VAV3: variants seen among roughly 807,000 people sequenced by gnomAD.
VAV3 encodes the protein guanine nucleotide exchange factor VAV3.
VAV3 carries 94 observed loss-of-function variants against 131.2 expected under a neutral mutation model. That is an observed-to-expected ratio of 0.72 (90% CI 0.61 to 0.85). VAV3 has a LOEUF of 0.85. Ranked by LOEUF, VAV3 falls within the 40% of genes least tolerant of loss-of-function variation. The pLI is 0.00. For missense variants in VAV3, 939 were observed against 1,002.7 expected, an observed-to-expected ratio of 0.94 and a Z score of 0.86; for synonymous variants, 349 against 342.0, an observed-to-expected ratio of 1.02 and a Z score of -0.22.
At chr1:107,575,209 T>C (rs1649560076) in intron 25 of VAV3, among the ~76,000 whole-genome samples, 1 of 152,198 alleles carries the variant, frequency 6.6e-6, no homozygotes, top group South Asian at 2.1e-4. Flanking sequence ...CAATTATATG[T>C]TCAGTGATTC....
intron 17 of VAV3, among the ~76,000 whole-genome samples, chr1:107,695,111 G>T (rs1041459414): frequency 3.3e-5 from 5 of 152,122 alleles, no homozygotes; most frequent in Non-Finnish European, 7.4e-5. Flanking sequence ...TAAAAAAACT[G>T]GTTGGAGAAC....
chr1:107,886,678 T>A (rs1236602714), intron 1 of VAV3, among the ~76,000 whole-genome samples: 1 of 152,202 alleles, frequency 6.6e-6, no homozygotes, highest in Non-Finnish European at 1.5e-5. Flanking sequence ...TCTAGGTTTG[T>A]ACAAACTTGT....
intron 1 of VAV3, among the ~76,000 whole-genome samples, chr1:107,957,399 T>C (rs1674870209): frequency 6.6e-6 from 1 of 152,142 alleles, no homozygotes; most frequent in South Asian, 2.1e-4. Context: ...CCCCTCTCTA[T>C]TGTGAGTGAA....
intron 2 of VAV3, among the ~76,000 whole-genome samples, chr1:107,794,253 T>C (rs1432679378): frequency 6.6e-6 from 1 of 152,228 alleles, no homozygotes; most frequent in African/African-American, 2.4e-5. Flanking sequence ...TGGTTTCCAC[T>C]GAGGAATTTG....
intron 9 of VAV3, among the ~76,000 whole-genome samples, chr1:107,764,400 G>A (rs921432461): frequency 5.3e-5 from 8 of 152,308 alleles, no homozygotes; most frequent in Admixed American, 2.0e-4. Flanking sequence ...CTATTATACA[G>A]TGCTTATCAC....
intron 15 of VAV3, among the ~76,000 whole-genome samples, chr1:107,705,355 A>G (rs1341102004): frequency 3.2e-5 from 2 of 61,784 alleles, no homozygotes; most frequent in South Asian, 9.2e-4. Flanking sequence ...ACCTGCCTGG[A>G]AAAAAAAAAA....
chr1:107,820,454 T>C (rs1215824425), intron 2 of VAV3, among the ~76,000 whole-genome samples: 1 of 151,776 alleles, frequency 6.6e-6, no homozygotes, highest in Non-Finnish European at 1.5e-5. Context: ...GAATGGTTAC[T>C]GAGGCTAGGA....
intron 7 of VAV3, among the ~76,000 whole-genome samples, chr1:107,767,897 C>T (rs1010183317): frequency 3.3e-5 from 5 of 151,912 alleles, no homozygotes; most frequent in Non-Finnish European, 5.9e-5. Context: ...TAAATGTAAA[C>T]GAAAAATATC....
chr1:107,908,820 AACACACACACACACACACAC>A lies in VAV3; in HGVS notation c.205-33823_205-33804del, dbSNP rs59211285. ...TCACCCAACACCCCCGCCCCACTCA[AACACACACACACACACACAC>A]ACACACACACACACACACACACACA... On this transcript the variant is annotated intron_variant, in intron 1 of 26. Coordinates refer to ENST00000370056, the MANE Select transcript of VAV3 (RefSeq NM_006113.5). Among the ~76,000 whole-genome samples the A allele has an allele frequency of 8.3e-4, 108 of 129,430 alleles. No homozygotes were observed. The South Asian group carries it at 9.0e-3, about 11-fold the overall frequency. The allele number at this position is 129,430 out of a possible 152,430, so 84.9% of individuals were successfully genotyped here.
chr1:107,660,615 G>C (rs1229550849), intron 19 of VAV3, among the ~76,000 whole-genome samples: 1 of 152,132 alleles, frequency 6.6e-6, no homozygotes, highest in Non-Finnish European at 1.5e-5. Flanking sequence ...GGAGATCCTA[G>C]GAGATAATTT....
At chr1:107,667,105 T>A (rs1052425861) in intron 19 of VAV3, among the ~76,000 whole-genome samples, 1 of 152,188 alleles carries the variant, frequency 6.6e-6, no homozygotes, top group Non-Finnish European at 1.5e-5. Context: ...AGAAGCTGCC[T>A]CTATAGGTTT....
At chr1:107,728,601 G>A (rs1249959683) in intron 15 of VAV3, among the ~76,000 whole-genome samples, 9 of 20,914 alleles carry the variant, frequency 4.3e-4, no homozygotes, top group Non-Finnish European at 1.4e-3. Context: ...ATACGTATAC[G>A]TATATGTATA....
At chr1:107,724,843 A>G (rs898462816) in intron 15 of VAV3, among the ~76,000 whole-genome samples, 1 of 151,256 alleles carries the variant, frequency 6.6e-6, no homozygotes, top group Admixed American at 6.6e-5. Flanking sequence ...GGGGAAAAAA[A>G]AAAGGCTAGA....
Position 107,602,498 on chromosome 1 carries a change from A to T in VAV3, c.2133-14T>A. On this transcript the variant is annotated splice_polypyrimidine_tract_variant and intron_variant, in intron 23 of 26. Coordinates refer to ENST00000370056, the MANE Select transcript of VAV3 (RefSeq NM_006113.5). ...TCATTATTGTACCTGTGGGCAATGA[A>T]TAACTTATGAATATAAATGTGTTTT... 6.5e-7 allele frequency: 1 copy of T among 1,544,188 alleles called. No individual in the cohort carries two copies.
At chr1:107,794,778 C>T (rs1666459543) in intron 2 of VAV3, among the ~76,000 whole-genome samples, 1 of 152,094 alleles carries the variant, frequency 6.6e-6, no homozygotes, top group African/African-American at 2.4e-5. Flanking sequence ...TGTGGTTAAT[C>T]CAGGATAATT....
At chr1:107,902,403 T>C (rs1267006113) in intron 1 of VAV3, among the ~76,000 whole-genome samples, 2 of 152,240 alleles carry the variant, frequency 1.3e-5, no homozygotes, top group South Asian at 2.1e-4. Context: ...TTTGTCTACA[T>C]ATGATGATTG....
chr1:107,691,236 A>G (rs1035200105), intron 17 of VAV3, among the ~76,000 whole-genome samples: 5 of 152,236 alleles, frequency 3.3e-5, no homozygotes, highest in Admixed American at 1.3e-4. Context: ...CACTGAAAAT[A>G]CATATATTTT....
At chr1:107,841,262 G>A (rs1476967552) in intron 2 of VAV3, among the ~76,000 whole-genome samples, 1 of 151,858 alleles carries the variant, frequency 6.6e-6, no homozygotes, top group African/African-American at 2.4e-5. Context: ...CCTCAACAAA[G>A]TTCATATTCT....
chr1:107,868,711 G>C (rs1444133217), intron 2 of VAV3, among the ~76,000 whole-genome samples: 1 of 152,134 alleles, frequency 6.6e-6, no homozygotes, highest in Non-Finnish European at 1.5e-5. Flanking sequence ...GAGATGTAGA[G>C]GCTTAACAAA....
Sources: allele counts gnomAD v4.1 joint callset (sites outside exome capture counted in the v4.1 genomes callset), GRCh38; gene constraint gnomAD v4.1.1; transcripts MANE v1.5; gene names NCBI Gene and HGNC (gene_info 2026-07-23, HGNC 2026-07-21).